Variants in FNIP2 observed in about 807,000 individuals in gnomAD.
FNIP2 encodes the protein folliculin-interacting protein 2.
FNIP2 carries 32 observed loss-of-function variants against 108.7 expected under a neutral mutation model. That is an observed-to-expected ratio of 0.29 (90% CI 0.22 to 0.40). FNIP2 has a LOEUF of 0.40. Among genes scored for constraint, FNIP2 ranks in the 10% least tolerant of loss-of-function variants. The pLI is 1.00. For missense variants in FNIP2, 1,202 were observed against 1,381.6 expected (o/e 0.87, Z 2.06); for synonymous variants, 480 against 496.7 (o/e 0.97, Z 0.45).
intron 7 of FNIP2, among the ~76,000 whole-genome samples, chr4:158,841,534 AG>A: frequency 6.6e-6 from 1 of 152,168 alleles, no homozygotes; most frequent in Non-Finnish European, 1.5e-5. Flanking sequence ...GCAAGAGCAA[AG>A]GAGGGTACTG....
At chr4:158,876,551 A>G (rs1052939430) in intron 14 of FNIP2, among the ~76,000 whole-genome samples, 5 of 152,148 alleles carry the variant, frequency 3.3e-5, no homozygotes, top group Admixed American at 2.6e-4. Flanking sequence ...TTGAAGACCC[A>G]TTTCATATGT....
At position 158,872,472 on chromosome 4, in the gene FNIP2, G is replaced by A. The variant is rs928811548; in HGVS notation, c.2949+2003G>A. On this transcript the variant is annotated intron_variant, in intron 14 of 16. Transcript: ENST00000264433. The stretch of plus-strand genomic sequence containing the variant: ...ACTGTAGCTTTTCTCATTTCTTTAT[G>A]CAATCACCCTGAGAGATCGAAAGTT... The A allele has an allele frequency of 3.0e-6, 3 of 985,144 alleles. No homozygotes were observed. The African/African-American group carries it at 5.2e-5, about 17-fold the overall frequency. 61.0% of individuals were successfully genotyped at this position (985,144 alleles called of 1,614,324 possible). A position where few individuals can be genotyped will look rare whatever the true frequency, so the allele number is the denominator to read the frequency against.
rs183227072 is a variant in FNIP2, at chr4:158,834,046, G to C, written c.655+418G>C. ...AATGCGGCCAAATCCATGGTGTTTC[G>C]AAAATTCTGCCAATGAACCTCTCTT... On this transcript the variant is annotated intron_variant, in intron 6 of 16. Coordinates refer to ENST00000264433, the MANE Select transcript of FNIP2 (RefSeq NM_020840.3). 8.8e-6 allele frequency: 3 copies of C among 341,280 alleles called. No individual in the cohort carries two copies. The Admixed American group carries it at 1.5e-4, about 17-fold the overall frequency. The allele number at this position is 341,280 out of a possible 1,614,324, so 21.1% of individuals were successfully genotyped here. A position where few individuals can be genotyped will look rare whatever the true frequency, so the allele number is the denominator to read the frequency against.
At chr4:158,829,580 G>A (rs1778348211) in intron 3 of FNIP2, among the ~76,000 whole-genome samples, 1 of 152,132 alleles carries the variant, frequency 6.6e-6, no homozygotes, top group Non-Finnish European at 1.5e-5. Flanking sequence ...GAATGTATAT[G>A]GGCATCCTAA....
intron 1 of FNIP2, among the ~76,000 whole-genome samples, chr4:158,778,354 G>A (rs540506494): frequency 1.3e-5 from 2 of 152,322 alleles, no homozygotes; most frequent in Non-Finnish European, 2.9e-5. Flanking sequence ...CACTGCCTGT[G>A]AGTTAGCTCT....
At chr4:158,883,800 C>A (rs1157036587) in intron 14 of FNIP2, among the ~76,000 whole-genome samples, 1 of 152,142 alleles carries the variant, frequency 6.6e-6, no homozygotes. Context: ...TAAATTCAGA[C>A]CATCATTCAC....
At chr4:158,903,603 T>C (rs1729552525) in intron 16 of FNIP2, among the ~76,000 whole-genome samples, 3 of 152,164 alleles carry the variant, frequency 2.0e-5, no homozygotes, top group Non-Finnish European at 4.4e-5. Flanking sequence ...TCATCCTTCC[T>C]TTATCCCCTT....
chr4:158,875,644 A>G (rs1781240975), intron 14 of FNIP2, among the ~76,000 whole-genome samples: 1 of 151,700 alleles, frequency 6.6e-6, no homozygotes, highest in South Asian at 2.1e-4. Flanking sequence ...AGTAACACAG[A>G]TAACATTAAA....
At chr4:158,794,638 C>A (rs1382234692) in intron 1 of FNIP2, 1 of 152,368 alleles carries the variant, frequency 6.6e-6, no homozygotes, top group Non-Finnish European at 1.5e-5. Flanking sequence ...TGTGCAGAGG[C>A]CCTGCTAATC....
At chr4:158,845,851 G>A (rs1247625755) in intron 7 of FNIP2, among the ~76,000 whole-genome samples, 2 of 152,174 alleles carry the variant, frequency 1.3e-5, no homozygotes, top group Admixed American at 1.3e-4. Context: ...CTTTTGATGA[G>A]GAAACGCTGG....
At chr4:158,837,981 C>T (rs768862266) in intron 7 of FNIP2, among the ~76,000 whole-genome samples, 17 of 152,192 alleles carry the variant, frequency 1.1e-4, no homozygotes, top group Non-Finnish European at 2.1e-4. Flanking sequence ...ACAGAGTCCA[C>T]GTCAAGACTA....
rs568394400 is a variant in FNIP2 at position 158,837,491 on chromosome 4, A to G, written c.727+2015A>G. The stretch of plus-strand genomic sequence containing the variant: ...TTTGGATTTTCCTAGGTAACTTTTC[A>G]GTTTATAATATAGTTCATATAAATG... On this transcript the variant is annotated intron_variant, in intron 7 of 16. Coordinates refer to ENST00000264433, the MANE Select transcript of FNIP2 (RefSeq NM_020840.3). Among the ~76,000 whole-genome samples the G allele has an allele frequency of 9.8e-5, 15 of 152,314 alleles. No homozygotes were observed. The East Asian group carries it at 2.9e-3, about 29-fold the overall frequency.
At chr4:158,890,427 G>A in intron 14 of FNIP2, 1 of 890,912 alleles carries the variant, frequency 1.1e-6, no homozygotes, top group Non-Finnish European at 1.3e-6. Context: ...TTTCCCATTT[G>A]TGAGAAGGAA....
intron 8 of FNIP2, among the ~76,000 whole-genome samples, chr4:158,852,233 G>A (rs1018777998): frequency 6.6e-6 from 1 of 152,190 alleles, no homozygotes; most frequent in African/African-American, 2.4e-5. Context: ...AAAATACAGT[G>A]ATGGTCATGG....
At chr4:158,838,334 C>T (rs1179982085) in intron 7 of FNIP2, among the ~76,000 whole-genome samples, 4 of 150,588 alleles carry the variant, frequency 2.7e-5, no homozygotes, top group African/African-American at 9.7e-5. Context: ...CATCCTCCCA[C>T]CTCAGCCTCA....
At chr4:158,891,361 T>C in intron 14 of FNIP2, 85 bp from the exon 15 acceptor site, 1 of 1,267,742 alleles carries the variant, frequency 7.9e-7, no homozygotes, top group Non-Finnish European at 1.1e-6. Context: ...GAATTTTACA[T>C]TTAAATGTAT....
chr4:158,816,337 A>G (rs1400870509), intron 1 of FNIP2, among the ~76,000 whole-genome samples: 2 of 152,166 alleles, frequency 1.3e-5, no homozygotes, highest in African/African-American at 2.4e-5. Context: ...GTTGTCTATT[A>G]TTAGTATATG....
chr4:158,802,012 G>A (rs193143849), intron 1 of FNIP2, among the ~76,000 whole-genome samples: 2 of 152,254 alleles, frequency 1.3e-5, no homozygotes, highest in Non-Finnish European at 1.5e-5. Flanking sequence ...TTAATCTACT[G>A]GCTGTGGGCT....
At position 158,793,647 on chromosome 4, in the gene FNIP2, C is replaced by G. The variant is rs573140387; in HGVS notation, c.107+24328C>G. Among the ~76,000 whole-genome samples, 5 of 152,252 alleles carry G rather than the reference C, an allele frequency of 3.3e-5. No individual in the cohort carries two copies. In the South Asian group the frequency reaches 1.0e-3, roughly 32 times the overall value. ...TTGTTATTATGACATTTAAGATTGGCGAATGAGCATACTTATGGTTTGGTA... is the reference window on the plus strand; with the variant it reads ...TTGTTATTATGACATTTAAGATTGGGGAATGAGCATACTTATGGTTTGGTA... On this transcript the variant is annotated intron_variant, in intron 1 of 16. Transcript: ENST00000264433.
Sources: gnomAD v4.1 joint callset for allele counts (sites outside exome capture counted in the v4.1 genomes callset) on GRCh38, gnomAD v4.1.1 for gene constraint, MANE v1.5 for transcripts, NCBI Gene and HGNC (gene_info 2026-07-23, HGNC 2026-07-21) for gene names.